MAGI1: variants seen among roughly 807,000 people sequenced by gnomAD.
The protein encoded by MAGI1 is membrane-associated guanylate kinase, WW and PDZ domain-containing protein 1.
MAGI1 carries 58 observed loss-of-function variants against 139.9 expected under a neutral mutation model. The ratio of observed to expected loss-of-function variants is 0.41; its 90% confidence interval spans 0.34 to 0.52. MAGI1 has a LOEUF of 0.52. Among genes scored for constraint, MAGI1 ranks in the 20% least tolerant of loss-of-function variants. MAGI1 has a pLI of 0.12. For missense variants in MAGI1, 1,874 were observed against 1,901.6 expected (o/e 0.99, Z 0.27); for synonymous variants, 812 against 737.9 (o/e 1.10, Z -1.63).
chr3:65,505,856 G>A (rs2077264854), intron 2 of MAGI1, among the ~76,000 whole-genome samples: 2 of 151,958 alleles, frequency 1.3e-5, no homozygotes, highest in African/African-American at 2.4e-5. Context: ...CTCTTACACT[G>A]CAGAGATGTA....
chr3:65,380,612 T>C (rs1942965980), intron 16 of MAGI1: 1 of 152,192 alleles, frequency 6.6e-6, no homozygotes, highest in African/African-American at 2.4e-5. Context: ...ATTTCTCCTT[T>C]TGTGACTAGT....
intron 1 of MAGI1, among the ~76,000 whole-genome samples, chr3:65,793,211 C>T: frequency 6.6e-6 from 1 of 152,176 alleles, no homozygotes; most frequent in East Asian, 1.9e-4. Context: ...CAGGTGTGCA[C>T]CATGCTGGCG....
At chr3:65,788,483 A>C (rs1211147447) in intron 1 of MAGI1, among the ~76,000 whole-genome samples, 1 of 152,176 alleles carries the variant, frequency 6.6e-6, no homozygotes, top group African/African-American at 2.4e-5. Flanking sequence ...TATTCATTTC[A>C]AGCTATTCTA....
intron 2 of MAGI1, among the ~76,000 whole-genome samples, chr3:65,585,977 G>A (rs572170579): frequency 2.0e-4 from 31 of 152,292 alleles, no homozygotes; most frequent in Middle Eastern, 6.8e-3. Flanking sequence ...GGAGGCTGAA[G>A]CAGGAGGATC....
chr3:65,518,773 A>AG (rs1196404679), intron 2 of MAGI1, among the ~76,000 whole-genome samples: 1 of 152,032 alleles, frequency 6.6e-6, no homozygotes, highest in Non-Finnish European at 1.5e-5. Context: ...TGCAGCAAAA[A>AG]AAAAATAAAT....
At chr3:65,451,330 G>A (rs890221369) in intron 6 of MAGI1, among the ~76,000 whole-genome samples, 4 of 152,116 alleles carry the variant, frequency 2.6e-5, no homozygotes, top group African/African-American at 9.7e-5. Flanking sequence ...GGTAATAAGT[G>A]CCTAAATTGC....
intron 8 of MAGI1, among the ~76,000 whole-genome samples, chr3:65,440,364 G>A (rs1389427109): frequency 6.6e-6 from 1 of 152,144 alleles, no homozygotes; most frequent in Non-Finnish European, 1.5e-5. Flanking sequence ...GCAGGAAACA[G>A]GCATGCAAGC....
intron 2 of MAGI1, among the ~76,000 whole-genome samples, chr3:65,515,474 A>T (rs73128938): frequency 0.32 from 48,588 of 152,090 alleles, 9,502 homozygotes; most frequent in East Asian, 0.73. Context: ...AATGTCAATG[A>T]ATGACACTTA....
intron 2 of MAGI1, among the ~76,000 whole-genome samples, chr3:65,615,186 C>A (rs1333971637): frequency 6.6e-6 from 1 of 152,074 alleles, no homozygotes; most frequent in Non-Finnish European, 1.5e-5. Flanking sequence ...TTATTGCTGA[C>A]AAAAGCTACA....
At chr3:65,638,952 T>C (rs144976274) in intron 1 of MAGI1, among the ~76,000 whole-genome samples, 2,178 of 152,200 alleles carry the variant, frequency 0.014, 27 homozygotes, top group Non-Finnish European at 0.024. Context: ...TTGTGCTATG[T>C]TGCCCAGGCT....
chr3:65,956,953 G>A (rs141996658), intron 1 of MAGI1, among the ~76,000 whole-genome samples: 1 of 152,114 alleles, frequency 6.6e-6, no homozygotes, highest in East Asian at 1.9e-4. Flanking sequence ...AGTGAGCCAA[G>A]ATCACGTCAC....
At chr3:65,646,101 C>T (rs2085245051) in intron 1 of MAGI1, among the ~76,000 whole-genome samples, 1 of 151,722 alleles carries the variant, frequency 6.6e-6, no homozygotes, top group African/African-American at 2.4e-5. Flanking sequence ...AATTAAAAGA[C>T]AGAGGTTAGC....
chr3:65,836,430 A>G (rs534255084), intron 1 of MAGI1, among the ~76,000 whole-genome samples: 1 of 152,308 alleles, frequency 6.6e-6, no homozygotes, highest in African/African-American at 2.4e-5. Context: ...CTTAGTGATA[A>G]GGATCGTGAA....
At chr3:65,471,950 G>C (rs986020907) in intron 4 of MAGI1, among the ~76,000 whole-genome samples, 1 of 152,046 alleles carries the variant, frequency 6.6e-6, no homozygotes, top group African/African-American at 2.4e-5. Context: ...GGAAAGGAGA[G>C]GTGAAAGATG....
intron 1 of MAGI1, among the ~76,000 whole-genome samples, chr3:65,643,001 C>T (rs1422846717): frequency 1.3e-5 from 2 of 152,170 alleles, no homozygotes; most frequent in Admixed American, 6.5e-5. Context: ...CCAGAGAACA[C>T]GTTTGACAAA....
In MAGI1 at chr3:65,637,551, C is replaced by CAAAAAA. The variant is rs1559743275; in HGVS notation, c.314-15464_314-15463insTTTTTT. On this transcript the variant is annotated intron_variant, in intron 1 of 22. Coordinates refer to ENST00000402939, the MANE Select transcript of MAGI1 (RefSeq NM_001033057.2). ...CCTAGGTGACATTGAGACCCTGTCT[C>CAAAAAA]CAAAAAAAGAAAGAAAGAAAGAAAG... 2.3e-3 allele frequency among the ~76,000 whole-genome samples: 216 copies of CAAAAAA among 94,518 alleles called. 2 individuals carry two copies. Among genetic ancestry groups the CAAAAAA allele is most frequent in the African/African-American group, 9.0e-3 (202 of 22,560 alleles). The allele number at this position is 94,518 out of a possible 152,430, so 62.0% of individuals were successfully genotyped here. A position where few individuals can be genotyped will look rare whatever the true frequency, so the allele number is the denominator to read the frequency against.
chr3:65,740,949 A>C (rs1400146488), intron 1 of MAGI1, among the ~76,000 whole-genome samples: 1 of 152,146 alleles, frequency 6.6e-6, no homozygotes, highest in African/African-American at 2.4e-5. Context: ...TATCTTTCCT[A>C]AGTATTTCAG....
intron 1 of MAGI1, among the ~76,000 whole-genome samples, chr3:65,993,366 A>T (rs973530351): frequency 3.9e-5 from 6 of 152,152 alleles, no homozygotes; most frequent in African/African-American, 1.2e-4. Flanking sequence ...CAGAACAAGA[A>T]CCCATGTAGC....
intron 1 of MAGI1, chr3:66,003,840 T>G (rs1451957588): frequency 6.6e-6 from 1 of 152,150 alleles, no homozygotes; most frequent in Non-Finnish European, 1.5e-5. Flanking sequence ...TTGTTTGGTT[T>G]TTGGTTAGTC....
Sources: gnomAD v4.1 joint callset for allele counts (sites outside exome capture counted in the v4.1 genomes callset) on GRCh38, gnomAD v4.1.1 for gene constraint, MANE v1.5 for transcripts, NCBI Gene and HGNC (gene_info 2026-07-23, HGNC 2026-07-21) for gene names.